BCL9: variants seen among roughly 807,000 people sequenced by gnomAD.
BCL9 encodes the protein B-cell CLL/lymphoma 9 protein.
A neutral mutation model predicts 88.5 loss-of-function variants in BCL9; 25 were observed. The observed-to-expected ratio is 0.28, with a 90% confidence interval of 0.21 to 0.39. The LOEUF is 0.39. BCL9 is among the 10% of genes least tolerant of loss of function. The pLI, the probability that BCL9 is intolerant of heterozygous loss-of-function variation, is 1.00. For synonymous variants in BCL9, 711 were observed against 673.3 expected (o/e 1.06, Z -0.87); for missense variants, 1,817 against 1,877.8 (o/e 0.97, Z 0.60).
At chr1:147,549,873 CT>C (rs1347779670) in intron 1 of BCL9, among the ~76,000 whole-genome samples, 37 of 152,136 alleles carry the variant, frequency 2.4e-4, no homozygotes, top group African/African-American at 8.4e-4. Flanking sequence ...GATCTTCTAG[CT>C]TTTTTCTGAG....
chr1:147,574,959 A>AC (rs1209268695), intron 1 of BCL9, among the ~76,000 whole-genome samples: 2 of 152,166 alleles, frequency 1.3e-5, no homozygotes, highest in Non-Finnish European at 2.9e-5. Flanking sequence ...GTATAGGAAA[A>AC]CAGAAGTATA....
chr1:147,587,756 C>CTGTGTGTG (rs3045400), intron 1 of BCL9, among the ~76,000 whole-genome samples: 44 of 141,886 alleles, frequency 3.1e-4, no homozygotes, highest in African/African-American at 7.0e-4. Flanking sequence ...GTAGTGAGGC[C>CTGTGTGTG]TGTGTGTGTG....
intron 1 of BCL9, among the ~76,000 whole-genome samples, chr1:147,593,135 C>T (rs587771381): frequency 2.6e-5 from 4 of 152,326 alleles, no homozygotes; most frequent in Admixed American, 6.5e-5. Flanking sequence ...GGGCACTGCA[C>T]GAGGTGCTGA....
intron 1 of BCL9, among the ~76,000 whole-genome samples, chr1:147,558,788 T>C (rs1655235529): frequency 6.6e-6 from 1 of 152,214 alleles, no homozygotes; most frequent in Non-Finnish European, 1.5e-5. Context: ...AGTTTGTCTG[T>C]GGTCCTTTTA....
chr1:147,617,180 A>G (rs1553203976), intron 7 of BCL9, among the ~76,000 whole-genome samples: 1 of 152,190 alleles, frequency 6.6e-6, no homozygotes, highest in African/African-American at 2.4e-5. Flanking sequence ...TTGTCCTGGA[A>G]TGAATATAGT....
intron 1 of BCL9, among the ~76,000 whole-genome samples, chr1:147,594,611 T>C (rs587620392): frequency 1.1e-4 from 17 of 151,932 alleles, no homozygotes; most frequent in Non-Finnish European, 2.1e-4. Flanking sequence ...TTAGGGAAAA[T>C]TGGAGAGAGA....
rs781943517 is a variant in BCL9 at position 147,622,447 on chromosome 1, G to T, written c.3079G>T (p.Asp1027Tyr). ...AMPSSTPLYH[D>Y]AIKTVASSDD... ...GCCCAGTTCCACCCCGTTATACCATGATGCTATCAAGACTGTGGCCAGCTC... is the reference window on the plus strand; with the variant it reads ...GCCCAGTTCCACCCCGTTATACCATTATGCTATCAAGACTGTGGCCAGCTC... The change falls in exon 9 of 10, where the codon GAT (aspartate) becomes TAT (tyrosine). Residue 1027 changes from aspartate (D) to tyrosine (Y), a missense_variant. Transcript: ENST00000234739. 9.9e-6 allele frequency: 16 copies of T among 1,613,998 alleles called. No homozygotes were observed. Among genetic ancestry groups the T allele is most frequent in the African/African-American group, 1.3e-5 (1 of 74,878 alleles).
chr1:147,619,969 TTCC>T lies in BCL9; in HGVS notation c.1819_1821del (p.Pro607del). 6.2e-7 allele frequency: 1 copy of T among 1,614,166 alleles called. No homozygotes were observed. The highest frequency in any genetic ancestry group is 8.5e-7 in the Non-Finnish European group (1 of 1,180,028). Reference sequence around the variant, plus strand: ...CCAAAAATCCCAGATGGTCGAAATTTTCCTCCTGGCCAGGGCATTTTCAGCGGT... The same window carrying T: ...CCAAAAATCCCAGATGGTCGAAATTTTCCTGGCCAGGGCATTTTCAGCGGT... On this transcript the variant is annotated inframe_deletion, in exon 8 of 10. Coordinates refer to ENST00000234739, the MANE Select transcript of BCL9 (RefSeq NM_004326.4). The surrounding 1 kb of genome is among the most constrained non-coding windows in gnomAD (Gnocchi z 4.1).
At chr1:147,622,968 C>CTTTTTTT (rs202085114) in intron 9 of BCL9, among the ~76,000 whole-genome samples, 1 of 146,216 alleles carries the variant, frequency 6.8e-6, no homozygotes, top group African/African-American at 2.5e-5. Flanking sequence ...CTAGACAAGC[C>CTTTTTTT]TTTTTTTTTT....
At chr1:147,589,312 G>A (rs1656749978) in intron 1 of BCL9, among the ~76,000 whole-genome samples, 2 of 152,046 alleles carry the variant, frequency 1.3e-5, no homozygotes, top group Middle Eastern at 3.2e-3. Context: ...CTACAAATCA[G>A]CTTCACTTTT....
chr1:147,623,940 C>T lies in BCL9; in HGVS notation c.3262C>T (p.His1088Tyr), dbSNP rs1658791453. 1 of 1,614,226 alleles carries T rather than the reference C, an allele frequency of 6.2e-7. No individual in the cohort carries two copies. The highest frequency in any genetic ancestry group is 1.6e-4 in the Middle Eastern group (1 of 6,062). The change falls in exon 10 of 10, where the codon CAC becomes TAC. Residue 1088 changes from histidine to tyrosine, a missense_variant. Transcript: ENST00000234739. Reference protein sequence around the residue: ...SPMGMTQPLSHSNQMPSPNAV... With the variant: ...SPMGMTQPLSYSNQMPSPNAV... ...AATGGGAATGACCCAGCCACTTTCT[C>T]ACTCCAATCAGATGCCCTCTCCAAA...
chr1:147,562,110 C>T (rs1553196176), intron 1 of BCL9, among the ~76,000 whole-genome samples: 1 of 152,090 alleles, frequency 6.6e-6, no homozygotes, highest in Non-Finnish European at 1.5e-5. Flanking sequence ...GGGCGGATCA[C>T]CTGAGGTCGG....
At position 147,569,097 on chromosome 1, in the gene BCL9, C is replaced by T. The variant is rs587642311; in HGVS notation, c.-478+27423C>T. On this transcript the variant is annotated intron_variant, in intron 1 of 9. Transcript: ENST00000234739. Reference sequence around the variant, plus strand: ...GCTGGTGGAAGCAGGTGAAGGAGAACACTCTTAGAATGAGTTCTACAGGTC... The same window carrying T: ...GCTGGTGGAAGCAGGTGAAGGAGAATACTCTTAGAATGAGTTCTACAGGTC... Among the ~76,000 whole-genome samples the T allele has an allele frequency of 3.3e-5, 5 of 151,782 alleles. No individual in the cohort carries two copies. The East Asian group carries it at 9.8e-4, about 30-fold the overall frequency.
rs1406896223 is a variant in BCL9 at position 147,611,706 on chromosome 1, G to A, written c.-131G>A. Reference sequence around the variant, plus strand: ...CAAAGAGGAAAAAGGCATACAGGCAGCGAGCGCTAAGGGACGCACCCAGCA... The same window carrying A: ...CAAAGAGGAAAAAGGCATACAGGCAACGAGCGCTAAGGGACGCACCCAGCA... On this transcript the variant is annotated 5_prime_UTR_variant, in exon 4 of 10. Transcript: ENST00000234739. 5 of 791,914 alleles carry A rather than the reference G, an allele frequency of 6.3e-6. No homozygotes were observed. In the East Asian group the frequency reaches 1.2e-4, roughly 20 times the overall value. 49.1% of individuals were successfully genotyped at this position (791,914 alleles called of 1,614,324 possible). A position where few individuals can be genotyped will look rare whatever the true frequency, so the allele number is the denominator to read the frequency against.
intron 1 of BCL9, among the ~76,000 whole-genome samples, chr1:147,592,192 C>T (rs1217669791): frequency 6.6e-6 from 1 of 152,202 alleles, no homozygotes; most frequent in African/African-American, 2.4e-5. Flanking sequence ...GAGAAAAGAG[C>T]AGTTGATACA....
Position 147,619,431 on chromosome 1 carries a change from G to C in BCL9, c.1276G>C (p.Val426Leu). The C allele has an allele frequency of 6.2e-7, 1 of 1,614,076 alleles. No individual in the cohort carries two copies. Among genetic ancestry groups the C allele is most frequent in the South Asian group, 1.1e-5 (1 of 91,068 alleles). ...LGKGPGPRTDVGAPFGPQGHR... is the reference protein window; with the variant it reads ...LGKGPGPRTDLGAPFGPQGHR... ...TAAGGGACCTGGGCCCCGGACAGAC[G>C]TGGGAGCTCCATTTGGCCCTCAAGG... Residue 426 changes from valine to leucine, a missense_variant, in exon 8 of 10, where the codon GTG becomes CTG. Val to Leu is a conservative substitution (Grantham distance 32). Around this residue, in one of 2 missense-constraint regions of BCL9, gnomAD observed 1,228 missense variants for 1,191.6 expected, o/e 1.03. Coordinates refer to ENST00000234739, the MANE Select transcript of BCL9 (RefSeq NM_004326.4). The surrounding 1 kb of genome is among the most constrained non-coding windows in gnomAD (Gnocchi z 4.1).
chr1:147,619,706 A>G lies in BCL9; in HGVS notation c.1551A>G (p.Pro517=). The G allele has an allele frequency of 6.2e-7, 1 of 1,613,930 alleles. No homozygotes were observed. The highest frequency in any genetic ancestry group is 8.5e-7 in the Non-Finnish European group (1 of 1,179,978). The part of the protein sequence containing the change: ...PRGVVRGPPP[P]YQMTPSEGWA... ...GAGTGGTCCGAGGACCCCCCCCTCC[A>G]TACCAGATGACCCCTAGTGAAGGCT... is the stretch of plus-strand genomic sequence containing the variant. The change falls in exon 8 of 10, where the codon CCA becomes CCG. Residue 517 remains proline (P), a synonymous_variant. Coordinates refer to ENST00000234739, the MANE Select transcript of BCL9 (RefSeq NM_004326.4). The surrounding 1 kb of genome is among the most constrained non-coding windows in gnomAD (Gnocchi z 4.1).
Position 147,626,144 on chromosome 1 carries a change from C to CATT in BCL9, c.*1187_*1189dup, listed in dbSNP as rs1658942532. On this transcript the variant is annotated 3_prime_UTR_variant, in exon 10 of 10. Coordinates refer to ENST00000234739, the MANE Select transcript of BCL9 (RefSeq NM_004326.4). Reference sequence around the variant, plus strand: ...TGCGTAAGACGTTCTGTGTAACCTCCATTAAATTTGGTACAAAACCACTCG... The same window carrying CATT: ...TGCGTAAGACGTTCTGTGTAACCTCCATTATTAAATTTGGTACAAAACCACTCG... 1 of 207,326 alleles carries CATT rather than the reference C, an allele frequency of 4.8e-6. No homozygotes were observed. The highest frequency in any genetic ancestry group is 9.9e-6 in the Non-Finnish European group (1 of 101,484). 12.8% of individuals were successfully genotyped at this position (207,326 alleles called of 1,614,324 possible).
At chr1:147,618,731 C>A in intron 7 of BCL9, 85 bp from the exon 8 acceptor site, 2 of 1,292,952 alleles carry the variant, frequency 1.5e-6, no homozygotes, top group Admixed American at 2.7e-5. Context: ...TGCCTGGGGA[C>A]AATTCCTTTA....
Sources: gnomAD v4.1 joint callset for allele counts (sites outside exome capture counted in the v4.1 genomes callset) on GRCh38, gnomAD v4.1.1 for gene constraint, gnomAD v4.1.1 regional missense constraint, Gnocchi (gnomAD v3.1) non-coding constraint, MANE v1.5 for transcripts, NCBI Gene and HGNC (gene_info 2026-07-23, HGNC 2026-07-21) for gene names.